The following CCDC85A variants were observed in gnomAD, a reference collection of about 807,000 sequenced individuals.
The protein encoded by CCDC85A is coiled-coil domain-containing protein 85A.
Under a neutral mutation model 50.2 loss-of-function variants are expected in CCDC85A, and 38 were observed. That is an observed-to-expected ratio of 0.76 (90% CI 0.58 to 0.99). CCDC85A has a LOEUF of 0.99. Among genes scored for constraint, CCDC85A ranks in the 50% least tolerant of loss-of-function variants. CCDC85A has a pLI of 0.00. For synonymous variants in CCDC85A, 366 were observed against 301.4 expected (o/e 1.21, Z -2.22); for missense variants, 820 against 742.0 (o/e 1.11, Z -1.22).
intron 2 of CCDC85A, among the ~76,000 whole-genome samples, chr2:56,301,681 G>A (rs550235415): frequency 1.1e-4 from 16 of 152,190 alleles, no homozygotes; most frequent in Non-Finnish European, 1.5e-4. Flanking sequence ...ATAAGGAATG[G>A]CTCAACAAAA....
chr2:56,340,703 C>T (rs1674319730), intron 2 of CCDC85A, among the ~76,000 whole-genome samples: 1 of 151,808 alleles, frequency 6.6e-6, no homozygotes, highest in African/African-American at 2.4e-5. Context: ...TGGAGAAACC[C>T]TGTCTCTACT....
At chr2:56,187,017 C>T (rs963674263) in intron 1 of CCDC85A, among the ~76,000 whole-genome samples, 7 of 152,180 alleles carry the variant, frequency 4.6e-5, no homozygotes, top group African/African-American at 1.4e-4. Flanking sequence ...TCCCAGGCTT[C>T]TGGCCCACCC....
chr2:56,211,858 T>C (rs771114784), intron 2 of CCDC85A, among the ~76,000 whole-genome samples: 2 of 152,074 alleles, frequency 1.3e-5, no homozygotes, highest in Non-Finnish European at 2.9e-5. Flanking sequence ...TCCTCATCTC[T>C]AATATCTCCC....
intron 3 of CCDC85A, among the ~76,000 whole-genome samples, chr2:56,363,721 A>G (rs1675651556): frequency 3.3e-5 from 5 of 152,200 alleles, no homozygotes; most frequent in African/African-American, 7.2e-5. Context: ...AGTTCTGTGC[A>G]TGTGTTCCCC....
chr2:56,196,027 TA>T (rs1445418868), intron 2 of CCDC85A, among the ~76,000 whole-genome samples: 1 of 152,214 alleles, frequency 6.6e-6, no homozygotes, highest in Admixed American at 6.5e-5. Flanking sequence ...TGAGCATTTA[TA>T]AATCTTCTTG....
chr2:56,203,061 T>A (rs917981107), intron 2 of CCDC85A, among the ~76,000 whole-genome samples: 3 of 152,142 alleles, frequency 2.0e-5, no homozygotes, highest in African/African-American at 7.2e-5. Flanking sequence ...ATCTGTTTGG[T>A]TGTGTGTGTT....
At chr2:56,243,603 G>C (rs898067195) in intron 2 of CCDC85A, among the ~76,000 whole-genome samples, 1 of 152,136 alleles carries the variant, frequency 6.6e-6, no homozygotes, top group Non-Finnish European at 1.5e-5. Flanking sequence ...TGTCTGAAAG[G>C]TCACATATCT....
intron 2 of CCDC85A, among the ~76,000 whole-genome samples, chr2:56,321,134 T>C (rs943335311): frequency 5.9e-5 from 9 of 152,206 alleles, no homozygotes; most frequent in South Asian, 2.1e-4. Flanking sequence ...ATTGATGGGA[T>C]GTATCTCAAA....
chr2:56,383,950 T>C (rs1269123516), intron 5 of CCDC85A, among the ~76,000 whole-genome samples: 1 of 151,900 alleles, frequency 6.6e-6, no homozygotes, highest in Non-Finnish European at 1.5e-5. Flanking sequence ...TGGGGATTAC[T>C]GTTTAAGAGT....
intron 2 of CCDC85A, among the ~76,000 whole-genome samples, chr2:56,238,831 T>TA (rs1669134210): frequency 6.6e-6 from 1 of 152,170 alleles, no homozygotes. Flanking sequence ...TATTTATTTT[T>TA]ACAGAGCATT....
At chr2:56,310,661 A>G (rs1672648486) in intron 2 of CCDC85A, among the ~76,000 whole-genome samples, 2 of 152,150 alleles carry the variant, frequency 1.3e-5, no homozygotes, top group Admixed American at 6.6e-5. Context: ...CAAAAGAAAA[A>G]TGGGATTTCT....
chr2:56,289,779 A>C (rs750235741), intron 2 of CCDC85A, among the ~76,000 whole-genome samples: 5 of 152,178 alleles, frequency 3.3e-5, no homozygotes, highest in Non-Finnish European at 7.3e-5. Flanking sequence ...AATGAAGCTT[A>C]ATTTAATGGT....
chr2:56,213,507 A>G (rs1399152763), intron 2 of CCDC85A, among the ~76,000 whole-genome samples: 1 of 151,932 alleles, frequency 6.6e-6, no homozygotes, highest in Non-Finnish European at 1.5e-5. Context: ...TCAAAGATAA[A>G]ATTACCTATG....
intron 3 of CCDC85A, among the ~76,000 whole-genome samples, chr2:56,357,644 G>C (rs1028787657): frequency 1.7e-4 from 23 of 131,878 alleles, no homozygotes; most frequent in Non-Finnish European, 3.5e-4. Flanking sequence ...GGAAGGGATA[G>C]TGTCCATTTC....
chr2:56,301,048 C>G (rs147854465), intron 2 of CCDC85A, among the ~76,000 whole-genome samples: 2 of 152,052 alleles, frequency 1.3e-5, no homozygotes, highest in African/African-American at 4.8e-5. Context: ...TTTTTGCAAT[C>G]TTTCCAAGCT....
chr2:56,324,818 A>G (rs1343919327), intron 2 of CCDC85A, among the ~76,000 whole-genome samples: 2 of 151,808 alleles, frequency 1.3e-5, no homozygotes, highest in Non-Finnish European at 2.9e-5. Flanking sequence ...TAGTTTAGGG[A>G]CTCTTTGGGG....
intron 2 of CCDC85A, among the ~76,000 whole-genome samples, chr2:56,273,703 T>C (rs1229055193): frequency 2.0e-5 from 3 of 151,360 alleles, no homozygotes; most frequent in Non-Finnish European, 4.4e-5. Context: ...TATATATATA[T>C]ATATATCACA....
rs70955014 is a variant in CCDC85A at position 56,269,334 on chromosome 2, G to GGTGT, written c.1241-73520_1241-73517dup. On this transcript the variant is annotated intron_variant, in intron 2 of 5. Coordinates refer to ENST00000407595, the MANE Select transcript of CCDC85A (RefSeq NM_001080433.2). ...GCACACTACCATACTCCTTGGCAAG[G>GGTGT]GTGTGTGTGTGTGTGTGTGTGTGTG... 3.3e-3 allele frequency among the ~76,000 whole-genome samples: 500 copies of GGTGT among 149,266 alleles called. 3 individuals are homozygous for GGTGT. Among genetic ancestry groups the GGTGT allele is most frequent in the African/African-American group, 7.5e-3 (304 of 40,574 alleles).
intron 2 of CCDC85A, 25 bp from the exon 3 acceptor site, chr2:56,342,854 G>A (rs778528693): frequency 2.9e-5 from 43 of 1,503,984 alleles, no homozygotes; most frequent in Non-Finnish European, 3.6e-5. Context: ...TGTGTATAAT[G>A]TGAGTTCTTT....
Sources: gnomAD v4.1 joint callset for allele counts (sites outside exome capture counted in the v4.1 genomes callset) on GRCh38, gnomAD v4.1.1 for gene constraint, MANE v1.5 for transcripts, NCBI Gene and HGNC (gene_info 2026-07-23, HGNC 2026-07-21) for gene names.